The following RABGAP1L variants were observed in gnomAD, a reference collection of about 807,000 sequenced individuals.
RABGAP1L encodes RAB GTPase activating protein 1 like.
Under a neutral mutation model 137.7 loss-of-function variants are expected in RABGAP1L, and 63 were observed. That is an observed-to-expected ratio of 0.46 (90% CI 0.37 to 0.56). RABGAP1L has a LOEUF of 0.56. Ranked by LOEUF, RABGAP1L falls within the 20% of genes least tolerant of loss-of-function variation. RABGAP1L has a pLI of 0.00. For missense variants in RABGAP1L, 1,095 were observed against 1,244.0 expected (o/e 0.88, Z 1.80); for synonymous variants, 431 against 433.7 (o/e 0.99, Z 0.08).
intron 10 of RABGAP1L, among the ~76,000 whole-genome samples, chr1:174,290,182 G>T (rs376898905): frequency 2.0e-5 from 3 of 152,206 alleles, no homozygotes; most frequent in Non-Finnish European, 4.4e-5. Context: ...GGTGGGAGGA[G>T]CTGCTGCCTG....
intron 19 of RABGAP1L, among the ~76,000 whole-genome samples, chr1:174,860,720 A>G (rs2149019774): frequency 6.6e-6 from 1 of 152,346 alleles, no homozygotes; most frequent in Non-Finnish European, 1.5e-5. Context: ...TGCAAAAAAA[A>G]GTTATTCCAA....
intron 14 of RABGAP1L, among the ~76,000 whole-genome samples, chr1:174,639,058 C>T (rs1408166785): frequency 1.3e-5 from 2 of 151,718 alleles, no homozygotes; most frequent in Non-Finnish European, 2.9e-5. Context: ...AAAGCACTCA[C>T]CTACATATTC....
At chr1:174,438,156 A>G (rs925870165) in intron 13 of RABGAP1L, among the ~76,000 whole-genome samples, 1 of 152,218 alleles carries the variant, frequency 6.6e-6, no homozygotes, top group Non-Finnish European at 1.5e-5. Context: ...AAGAAACTGC[A>G]TCAACTAACG....
At chr1:174,383,389 C>G (rs1356308105) in intron 12 of RABGAP1L, among the ~76,000 whole-genome samples, 1 of 151,860 alleles carries the variant, frequency 6.6e-6, no homozygotes, top group Non-Finnish European at 1.5e-5. Flanking sequence ...CTCCCCCAGC[C>G]TCACTGCCGC....
chr1:174,505,467 CT>C (rs201584880), intron 13 of RABGAP1L, among the ~76,000 whole-genome samples: 2,810 of 145,960 alleles, frequency 0.019, 70 homozygotes, highest in African/African-American at 0.064. Flanking sequence ...TTGTGAAGAC[CT>C]TTTTTTTTTT....
chr1:174,482,690 C>T (rs1049339242), intron 13 of RABGAP1L, among the ~76,000 whole-genome samples: 7 of 152,064 alleles, frequency 4.6e-5, no homozygotes, highest in Non-Finnish European at 8.8e-5. Context: ...TTGCCCAGGC[C>T]GGTCTCGAAC....
At chr1:174,657,606 G>T (rs1025010148) in intron 14 of RABGAP1L, among the ~76,000 whole-genome samples, 1 of 151,962 alleles carries the variant, frequency 6.6e-6, no homozygotes, top group African/African-American at 2.4e-5. Context: ...TATTCCATTT[G>T]GTATATATAC....
Position 174,738,643 on chromosome 1 carries a change from A to G in RABGAP1L, c.2170-13670A>G, listed in dbSNP as rs181010371. Among the ~76,000 whole-genome samples the G allele has an allele frequency of 1.7e-3, 262 of 152,282 alleles. 1 individual carries two copies. The highest frequency in any genetic ancestry group is 3.1e-3 in the Non-Finnish European group (209 of 68,014). ...AATTTACTGTTTAGGAATCTTACAC[A>G]TGGGGGAGGTTGAGACACTTAACTA... On this transcript the variant is annotated intron_variant, in intron 17 of 25. Transcript: ENST00000681986.
chr1:174,397,210 G>A (rs1489889930), intron 13 of RABGAP1L, among the ~76,000 whole-genome samples: 3 of 152,110 alleles, frequency 2.0e-5, no homozygotes, highest in African/African-American at 7.2e-5. Flanking sequence ...AAGATACTTG[G>A]AGGCTGATAA....
At chr1:174,829,666 CAG>C (rs1281659329) in intron 19 of RABGAP1L, among the ~76,000 whole-genome samples, 3 of 148,362 alleles carry the variant, frequency 2.0e-5, no homozygotes, top group Non-Finnish European at 4.5e-5. Context: ...GACTTTAAAA[CAG>C]AGTAGAATGT....
At chr1:174,648,310 T>C (rs1473007910) in intron 14 of RABGAP1L, among the ~76,000 whole-genome samples, 4 of 152,162 alleles carry the variant, frequency 2.6e-5, no homozygotes, top group African/African-American at 7.2e-5. Flanking sequence ...GTGTCAATTA[T>C]TGATCTTTCT....
intron 13 of RABGAP1L, among the ~76,000 whole-genome samples, chr1:174,509,016 A>C (rs1662087854): frequency 6.6e-6 from 1 of 152,214 alleles, no homozygotes; most frequent in Non-Finnish European, 1.5e-5. Flanking sequence ...GCAGTGCACT[A>C]TATAAATAGG....
At chr1:174,961,727 T>A (rs998489042) in intron 20 of RABGAP1L, among the ~76,000 whole-genome samples, 3 of 150,760 alleles carry the variant, frequency 2.0e-5, no homozygotes, top group African/African-American at 7.3e-5. Flanking sequence ...GCACCTGTAG[T>A]CCCAGCTACT....
At chr1:174,378,182 T>A (rs1309856617) in intron 12 of RABGAP1L, among the ~76,000 whole-genome samples, 1 of 148,634 alleles carries the variant, frequency 6.7e-6, no homozygotes, top group Non-Finnish European at 1.5e-5. Flanking sequence ...ATCCAGTCTA[T>A]CATTGTTGGA....
chr1:174,400,030 T>C (rs548053505), intron 13 of RABGAP1L, among the ~76,000 whole-genome samples: 2 of 152,274 alleles, frequency 1.3e-5, no homozygotes, highest in Non-Finnish European at 2.9e-5. Context: ...AATGTACTGG[T>C]TTAGAATTTG....
chr1:174,199,854 A>G (rs1459256742), intron 1 of RABGAP1L, among the ~76,000 whole-genome samples: 3 of 152,198 alleles, frequency 2.0e-5, no homozygotes, highest in African/African-American at 7.2e-5. Context: ...ATTGAGGGAA[A>G]ACTGAAAAAT....
chr1:174,320,933 ACTG>A (rs1356791310), intron 11 of RABGAP1L, among the ~76,000 whole-genome samples: 2 of 152,184 alleles, frequency 1.3e-5, no homozygotes, highest in Non-Finnish European at 2.9e-5. Context: ...ATTAGGTCTG[ACTG>A]CCTGGGAGTC....
intron 14 of RABGAP1L, among the ~76,000 whole-genome samples, chr1:174,639,972 G>A (rs1225698319): frequency 6.6e-6 from 1 of 152,100 alleles, no homozygotes; most frequent in African/African-American, 2.4e-5. Context: ...ATTGTAAAAT[G>A]TATATCTGAG....
chr1:174,347,562 G>A (rs1682561763), intron 11 of RABGAP1L, among the ~76,000 whole-genome samples: 2 of 151,168 alleles, frequency 1.3e-5, no homozygotes, highest in Non-Finnish European at 1.5e-5. Context: ...GTGCGATCTT[G>A]GCTCACTGCA....
Sources: gnomAD v4.1 joint callset for allele counts (sites outside exome capture counted in the v4.1 genomes callset) on GRCh38, gnomAD v4.1.1 for gene constraint, MANE v1.5 for transcripts, NCBI Gene and HGNC (gene_info 2026-07-23, HGNC 2026-07-21) for gene names.